The following REDIC1 variants were observed in gnomAD, a reference collection of about 807,000 sequenced individuals.
The protein encoded by REDIC1 is regulator of DNA class I crossover intermediates 1, also known as HEI10 Interacting Protein 1.
chr12:39,751,113 G>C, the REDIC1 span, among the ~76,000 whole-genome samples: 1 of 152,158 alleles, frequency 6.6e-6, no homozygotes, highest in Non-Finnish European at 1.5e-5. Flanking sequence ...ACTACTATCA[G>C]AGCGAACAGG....
the REDIC1 span, among the ~76,000 whole-genome samples, chr12:39,905,512 T>C: frequency 1.3e-5 from 2 of 152,188 alleles, no homozygotes; most frequent in Non-Finnish European, 2.9e-5. Flanking sequence ...TTTCTCTTTC[T>C]CATTTACAAA....
At chr12:39,794,271 T>G in the REDIC1 span, among the ~76,000 whole-genome samples, 7 of 152,166 alleles carry the variant, frequency 4.6e-5, no homozygotes, top group African/African-American at 1.4e-4. Flanking sequence ...ATTCTTGATA[T>G]TTGAATAATA....
At chr12:39,897,730 T>A in the REDIC1 span, among the ~76,000 whole-genome samples, 2 of 152,180 alleles carry the variant, frequency 1.3e-5, no homozygotes, top group African/African-American at 4.8e-5. Context: ...ATCTTCACTG[T>A]AGAGAAACTT....
chr12:39,704,180 A>G, the REDIC1 span, among the ~76,000 whole-genome samples: 1 of 151,968 alleles, frequency 6.6e-6, no homozygotes, highest in African/African-American at 2.4e-5. Context: ...CTCATCTGAC[A>G]AAGGGCTAAT....
chr12:39,790,212 TTTTC>T, the REDIC1 span, among the ~76,000 whole-genome samples: 2 of 53,032 alleles, frequency 3.8e-5, no homozygotes, highest in South Asian at 7.9e-4. Context: ...AGTGTTTTTT[TTTTC>T]TTCTTCTTCT....
At chr12:39,673,072 C>A in the REDIC1 span, among the ~76,000 whole-genome samples, 1 of 152,040 alleles carries the variant, frequency 6.6e-6, no homozygotes, top group African/African-American at 2.4e-5. Flanking sequence ...CTCATTTAAC[C>A]TTTTCCCACA....
chr12:39,653,557 C>CTTCTTCTTCTCCTT, the REDIC1 span, among the ~76,000 whole-genome samples: 2 of 56,228 alleles, frequency 3.6e-5, 1 homozygote, highest in Non-Finnish European at 8.2e-5. Context: ...TCTTCTTCTT[C>CTTCTTCTTCTCCTT]TTTCTTCTTC....
the REDIC1 span, among the ~76,000 whole-genome samples, chr12:39,856,603 G>A: frequency 1.3e-5 from 2 of 152,080 alleles, no homozygotes; most frequent in Admixed American, 6.5e-5. Flanking sequence ...TCTTGACCTC[G>A]TGATTTGCCC....
the REDIC1 span, among the ~76,000 whole-genome samples, chr12:39,878,937 G>A: frequency 1.3e-5 from 2 of 152,226 alleles, no homozygotes; most frequent in African/African-American, 4.8e-5. Flanking sequence ...GGTTTTGTAG[G>A]CCAGCCCAGA....
chr12:39,863,725 C>A, the REDIC1 span, among the ~76,000 whole-genome samples: 1 of 152,040 alleles, frequency 6.6e-6, no homozygotes, highest in Non-Finnish European at 1.5e-5. Context: ...ACAAACTTAT[C>A]AGTAAAATAA....
the REDIC1 span, chr12:39,626,232 GTTGTCAGGA>G: frequency 7.8e-7 from 1 of 1,281,466 alleles, no homozygotes. Context: ...GGGCCCTGAC[GTTGTCAGGA>G]GGCCCTGGGG....
At chr12:39,718,718 T>C in the REDIC1 span, among the ~76,000 whole-genome samples, 1 of 152,128 alleles carries the variant, frequency 6.6e-6, no homozygotes, top group Admixed American at 6.6e-5. Flanking sequence ...AAAACTTGTT[T>C]AGGCAGATAT....
At chr12:39,796,265 A>G in the REDIC1 span, among the ~76,000 whole-genome samples, 1 of 152,038 alleles carries the variant, frequency 6.6e-6, no homozygotes, top group Non-Finnish European at 1.5e-5. Flanking sequence ...TGACCATGTG[A>G]CTAAATTTTT....
the REDIC1 span, among the ~76,000 whole-genome samples, chr12:39,717,167 C>T: frequency 7.3e-6 from 1 of 137,516 alleles, no homozygotes; most frequent in African/African-American, 3.5e-5. Flanking sequence ...CACATACACA[C>T]ACACACACAT....
the REDIC1 span, among the ~76,000 whole-genome samples, chr12:39,823,796 G>A: frequency 6.6e-6 from 1 of 152,068 alleles, no homozygotes; most frequent in Non-Finnish European, 1.5e-5. Context: ...ATGGCTCCAA[G>A]CAATATTTTT....
At chr12:39,822,779 T>C in the REDIC1 span, among the ~76,000 whole-genome samples, 1,585 of 152,330 alleles carry the variant, frequency 0.01, 22 homozygotes, top group African/African-American at 0.035. Flanking sequence ...ATGGGTTGAC[T>C]AGAAATATTA....
At chr12:39,733,754 C>T in the REDIC1 span, among the ~76,000 whole-genome samples, 2 of 152,188 alleles carry the variant, frequency 1.3e-5, no homozygotes, top group African/African-American at 4.8e-5. Context: ...CCTCTGCCAC[C>T]ACCAAGCTGG....
At chr12:39,752,755 A>G in the REDIC1 span, among the ~76,000 whole-genome samples, 1 of 152,190 alleles carries the variant, frequency 6.6e-6, no homozygotes, top group Non-Finnish European at 1.5e-5. Context: ...GGTGGAAATA[A>G]GACAGTTTTA....
At chr12:39,875,313 A>G in the REDIC1 span, among the ~76,000 whole-genome samples, 1 of 152,168 alleles carries the variant, frequency 6.6e-6, no homozygotes, top group East Asian at 1.9e-4. Flanking sequence ...CTCAGTCTTC[A>G]AAGCCAACAA....
Sources: allele counts gnomAD v4.1 joint callset (sites outside exome capture counted in the v4.1 genomes callset), GRCh38; gene constraint gnomAD v4.1.1; transcripts MANE v1.5; gene names NCBI Gene and HGNC (gene_info 2026-07-23, HGNC 2026-07-21).